LRRFIP1: variants seen among roughly 807,000 people sequenced by gnomAD.
LRRFIP1 encodes leucine-rich repeat flightless-interacting protein 1.
Under a neutral mutation model 104.4 loss-of-function variants are expected in LRRFIP1, and 62 were observed. The ratio of observed to expected loss-of-function variants is 0.59; its 90% confidence interval spans 0.48 to 0.73. LRRFIP1 has a LOEUF of 0.73. Among genes scored for constraint, LRRFIP1 ranks in the 30% least tolerant of loss-of-function variants. The pLI, the probability that LRRFIP1 is intolerant of heterozygous loss-of-function variation, is 0.00. For missense variants in LRRFIP1, 796 were observed against 824.5 expected (o/e 0.97, Z 0.42); for synonymous variants, 300 against 299.0 (o/e 1.00, Z -0.03).
chr2:237,707,461 GA>G (rs112902148), intron 1 of LRRFIP1, among the ~76,000 whole-genome samples: 2,476 of 82,446 alleles, frequency 0.03, 56 homozygotes, highest in East Asian at 0.2. Flanking sequence ...AAAGGAAAAA[GA>G]AAAAAAAAAA....
chr2:237,631,840 C>A (rs867289213), intron 1 of LRRFIP1, among the ~76,000 whole-genome samples: 1 of 152,230 alleles, frequency 6.6e-6, no homozygotes, highest in Non-Finnish European at 1.5e-5. Context: ...TGAGACAGTG[C>A]GGTGAGCTTA....
intron 1 of LRRFIP1, among the ~76,000 whole-genome samples, chr2:237,640,720 C>T (rs7577000): frequency 0.31 from 46,330 of 151,900 alleles, 7,728 homozygotes; most frequent in African/African-American, 0.43. Context: ...CTGCCTCAGC[C>T]CTGGGCCTCC....
rs561989819 is a variant in LRRFIP1, at chr2:237,697,433, G to A, written c.97-11111G>A. 3.4e-4 allele frequency among the ~76,000 whole-genome samples: 51 copies of A among 152,214 alleles called. No individual in the cohort carries two copies. The South Asian group carries it at 6.2e-3, about 19-fold the overall frequency. On this transcript the variant is annotated intron_variant, in intron 1 of 23. Transcript: ENST00000308482. ...TAAAATGTTAACTACTGCTTATGTC[G>A]GCATACACCTGAGAGCTGCTGTGAT...
chr2:237,730,607 A>T (rs1342222720), intron 8 of LRRFIP1, among the ~76,000 whole-genome samples: 2 of 152,132 alleles, frequency 1.3e-5, no homozygotes, highest in African/African-American at 4.8e-5. Context: ...AGGAAAAAAG[A>T]TGTGAGCTGA....
intron 18 of LRRFIP1, 143 bp from the exon 19 acceptor site, chr2:237,759,921 C>A: frequency 1.5e-6 from 1 of 674,800 alleles, no homozygotes. Context: ...TTTACGAGTG[C>A]TGCACCCTAG....
At chr2:237,748,562 C>T (rs963144425) in intron 12 of LRRFIP1, among the ~76,000 whole-genome samples, 163 bp downstream of exon 12, 1 of 151,976 alleles carries the variant, frequency 6.6e-6, no homozygotes, top group Non-Finnish European at 1.5e-5. Context: ...GGTAGGCCAC[C>T]GGGAGTCCTG....
chr2:237,692,323 G>A lies in LRRFIP1; in HGVS notation c.97-16221G>A, dbSNP rs1368973104. ...CGGGCTGGCTCCTGGCCCCGGAAGC[G>A]CGAGCGTTCACTTAGCGGCGAGTGG... On this transcript the variant is annotated intron_variant, in intron 1 of 23. Coordinates refer to ENST00000308482, the MANE Select transcript of LRRFIP1 (RefSeq NM_001137550.2). 7.3e-6 allele frequency: 9 copies of A among 1,229,776 alleles called. No homozygotes were observed. In the African/African-American group the frequency reaches 1.4e-4, roughly 19 times the overall value. 76.2% of individuals were successfully genotyped at this position (1,229,776 alleles called of 1,614,324 possible). A position where few individuals can be genotyped will look rare whatever the true frequency, so the allele number is the denominator to read the frequency against.
intron 15 of LRRFIP1, among the ~76,000 whole-genome samples, chr2:237,753,850 A>G (rs1576282158): frequency 1.4e-5 from 2 of 140,680 alleles, no homozygotes; most frequent in South Asian, 4.8e-4. Context: ...GTATGTATGT[A>G]TGTATGTGTG....
At chr2:237,763,334 CA>C in intron 19 of LRRFIP1, 4 of 1,614,020 alleles carry the variant, frequency 2.5e-6, no homozygotes, top group Non-Finnish European at 3.4e-6. Flanking sequence ...AGTAGACACT[CA>C]AAATGAACCC....
intron 19 of LRRFIP1, among the ~76,000 whole-genome samples, chr2:237,760,577 G>A (rs977740398): frequency 5.3e-5 from 8 of 152,198 alleles, no homozygotes; most frequent in Admixed American, 2.6e-4. Flanking sequence ...TTTTTAAACC[G>A]ATTCTATGAC....
intron 1 of LRRFIP1, among the ~76,000 whole-genome samples, chr2:237,629,472 T>C (rs866127933): frequency 0.016 from 2,174 of 134,586 alleles, 16 homozygotes; most frequent in African/African-American, 0.03. Flanking sequence ...TTCTTCTTTT[T>C]TTTTTTTTTT....
chr2:237,692,665 G>A (rs527930626), intron 1 of LRRFIP1: 9 of 1,124,534 alleles, frequency 8.0e-6, no homozygotes, highest in Admixed American at 7.7e-5. Context: ...CGGTGGGAGC[G>A]GGCGCAGTGG....
chr2:237,710,876 T>A (rs2094043658), intron 2 of LRRFIP1, among the ~76,000 whole-genome samples: 1 of 152,128 alleles, frequency 6.6e-6, no homozygotes, highest in Non-Finnish European at 1.5e-5. Context: ...GTCTCTGTTG[T>A]AATATTCCCA....
At chr2:237,720,159 C>G (rs1455542753) in intron 5 of LRRFIP1, among the ~76,000 whole-genome samples, 1 of 152,114 alleles carries the variant, frequency 6.6e-6, no homozygotes, top group Non-Finnish European at 1.5e-5. Flanking sequence ...GTTGCCCAAT[C>G]CGGTCTCGAA....
intron 1 of LRRFIP1, among the ~76,000 whole-genome samples, chr2:237,640,653 A>C (rs926607195): frequency 2.0e-5 from 3 of 152,176 alleles, no homozygotes; most frequent in African/African-American, 7.2e-5. Flanking sequence ...CCGTAAAAGC[A>C]CATTGCCGAA....
chr2:237,761,774 C>G (rs1160786558), intron 19 of LRRFIP1, among the ~76,000 whole-genome samples: 2 of 152,220 alleles, frequency 1.3e-5, no homozygotes, highest in East Asian at 3.8e-4. Context: ...CCATGGAGAT[C>G]ACTGGGCTAT....
chr2:237,757,744 A>T (rs985336820), intron 17 of LRRFIP1, among the ~76,000 whole-genome samples, 196 bp downstream of exon 17: 4 of 152,086 alleles, frequency 2.6e-5, no homozygotes, highest in Non-Finnish European at 5.9e-5. Context: ...ATGAACTTGG[A>T]TTGTGACACG....
intron 15 of LRRFIP1, among the ~76,000 whole-genome samples, chr2:237,755,791 G>T (rs1276615491): frequency 6.6e-6 from 1 of 152,118 alleles, no homozygotes; most frequent in African/African-American, 2.4e-5. Flanking sequence ...AAAATTAGCC[G>T]GGCATGGAGG....
intron 11 of LRRFIP1, among the ~76,000 whole-genome samples, chr2:237,741,383 T>A (rs907570524): frequency 6.6e-6 from 1 of 152,210 alleles, no homozygotes; most frequent in Admixed American, 6.5e-5. Flanking sequence ...TTCCTTAAAG[T>A]TGGGATCTCT....
Sources: allele counts gnomAD v4.1 joint callset (sites outside exome capture counted in the v4.1 genomes callset), GRCh38; gene constraint gnomAD v4.1.1; transcripts MANE v1.5; gene names NCBI Gene and HGNC (gene_info 2026-07-23, HGNC 2026-07-21).